Variants in PRKN observed in about 807,000 individuals in gnomAD.
PRKN encodes E3 ubiquitin-protein ligase parkin.
In PRKN, 56 loss-of-function variants were observed where a neutral mutation model predicts 59.5. The ratio of observed to expected loss-of-function variants is 0.94; its 90% CI spans 0.76 to 1.18. PRKN has a LOEUF of 1.18. Among genes scored for constraint, PRKN ranks in the 50% most tolerant of loss-of-function variants. The pLI, the probability that PRKN is intolerant of heterozygous loss-of-function variation, is 0.00. For synonymous variants in PRKN, 250 were observed against 222.1 expected (o/e 1.13, Z -1.12); for missense variants, 657 against 596.4 (o/e 1.10, Z -1.06).
chr6:162,106,450 C>A (rs563001632), intron 4 of PRKN, among the ~76,000 whole-genome samples: 3 of 149,084 alleles, frequency 2.0e-5, no homozygotes, highest in East Asian at 3.9e-4. Flanking sequence ...TGTATTACAT[C>A]CATAATTAAA....
intron 5 of PRKN, among the ~76,000 whole-genome samples, chr6:162,052,741 A>G (rs1370266332): frequency 6.6e-6 from 1 of 152,170 alleles, no homozygotes; most frequent in African/African-American, 2.4e-5. Context: ...AATGTTGTAT[A>G]TATGTATACC....
chr6:161,439,465 C>T (rs1789087860), intron 9 of PRKN, among the ~76,000 whole-genome samples: 1 of 152,168 alleles, frequency 6.6e-6, no homozygotes, highest in South Asian at 2.1e-4. Flanking sequence ...GGATAAATGG[C>T]AGTGTGCAAT....
At chr6:162,370,493 C>T (rs1321218869) in intron 2 of PRKN, among the ~76,000 whole-genome samples, 1 of 151,950 alleles carries the variant, frequency 6.6e-6, no homozygotes, top group East Asian at 1.9e-4. Flanking sequence ...CATTTTATTA[C>T]CAAACAAAAG....
intron 6 of PRKN, among the ~76,000 whole-genome samples, chr6:161,857,372 C>T (rs1173078610): frequency 1.3e-5 from 2 of 152,200 alleles, no homozygotes; most frequent in Non-Finnish European, 2.9e-5. Context: ...TACAACTTTA[C>T]TTACAAAACA....
chr6:162,541,739 T>C (rs555590964), intron 1 of PRKN, among the ~76,000 whole-genome samples: 7 of 152,282 alleles, frequency 4.6e-5, no homozygotes, highest in African/African-American at 7.2e-5. Context: ...AGCCATCATT[T>C]TGCAGCCGTT....
chr6:161,837,677 T>C lies in PRKN; in HGVS notation c.735-51769A>G, dbSNP rs552523336. ...TGTTTATATGTTCCAGGGTAATAGATAATGAATAATAAGGGACTGAGGGTG... is the reference window on the plus strand; with the variant it reads ...TGTTTATATGTTCCAGGGTAATAGACAATGAATAATAAGGGACTGAGGGTG... On this transcript the variant is annotated intron_variant, in intron 6 of 11. Coordinates refer to ENST00000366898, the MANE Select transcript of PRKN (RefSeq NM_004562.3). Among the ~76,000 whole-genome samples the C allele has an allele frequency of 1.0e-3, 153 of 151,868 alleles. 9 individuals carry two copies. The South Asian group carries it at 0.031, about 31-fold the overall frequency.
intron 4 of PRKN, among the ~76,000 whole-genome samples, chr6:162,085,338 C>T (rs961158890): frequency 1.1e-4 from 16 of 151,736 alleles, no homozygotes; most frequent in Admixed American, 5.3e-4. Context: ...GTATTATCAA[C>T]TTACTAATTT....
intron 1 of PRKN, among the ~76,000 whole-genome samples, chr6:162,494,363 C>T (rs1792961884): frequency 6.6e-6 from 1 of 152,050 alleles, no homozygotes; most frequent in Admixed American, 6.6e-5. Flanking sequence ...GGAACCCTGG[C>T]TTCTGCAAGA....
At chr6:162,001,498 C>T (rs952234174) in intron 5 of PRKN, among the ~76,000 whole-genome samples, 1 of 149,998 alleles carries the variant, frequency 6.7e-6, no homozygotes, top group East Asian at 2.0e-4. Flanking sequence ...CACATTAAAC[C>T]TGTATCCTGC....
intron 7 of PRKN, among the ~76,000 whole-genome samples, chr6:161,608,742 G>A (rs1782379777): frequency 6.6e-6 from 1 of 151,468 alleles, no homozygotes; most frequent in South Asian, 2.1e-4. Flanking sequence ...GTTTCACCAT[G>A]TGGGCCAGGC....
chr6:162,429,622 C>T (rs78896859), intron 2 of PRKN, among the ~76,000 whole-genome samples: 4,999 of 152,124 alleles, frequency 0.033, 275 homozygotes, highest in African/African-American at 0.11. Flanking sequence ...GCCACCTGCC[C>T]CATTTCGCCT....
rs1254558516 is a variant in PRKN, at chr6:161,578,041, T to C, written c.872-8625A>G. On this transcript the variant is annotated intron_variant, in intron 7 of 11. Coordinates refer to ENST00000366898, the MANE Select transcript of PRKN (RefSeq NM_004562.3). The surrounding 1 kb of genome is among the most constrained non-coding windows in gnomAD (Gnocchi z 4.2). ...TCATAAATGAATCAGACAGGGATTC[T>C]GCCTTCCTGGAGCTTGCAGAAGAAA... Among the ~76,000 whole-genome samples, 3 of 152,192 alleles carry C rather than the reference T, an allele frequency of 2.0e-5. No homozygotes were observed. Among genetic ancestry groups the C allele is most frequent in the Non-Finnish European group, 4.4e-5 (3 of 68,040 alleles).
chr6:162,229,008 A>G (rs918431608), intron 3 of PRKN, among the ~76,000 whole-genome samples: 8 of 152,138 alleles, frequency 5.3e-5, no homozygotes, highest in African/African-American at 1.9e-4. Context: ...AATCTATGGG[A>G]CCACTTCTGT....
At chr6:161,509,124 G>A (rs367586218) in intron 9 of PRKN, among the ~76,000 whole-genome samples, 11 of 152,108 alleles carry the variant, frequency 7.2e-5, no homozygotes, top group Admixed American at 2.6e-4. Context: ...GATTACAGGC[G>A]TGAGCCACCA....
intron 7 of PRKN, among the ~76,000 whole-genome samples, chr6:161,726,036 G>T (rs978630587): frequency 2.0e-5 from 3 of 152,200 alleles, no homozygotes; most frequent in Non-Finnish European, 4.4e-5. Flanking sequence ...AGCTGGAAAT[G>T]AGGGCACTGA....
At chr6:162,669,368 C>A (rs1312937011) in intron 1 of PRKN, among the ~76,000 whole-genome samples, 1 of 152,124 alleles carries the variant, frequency 6.6e-6, no homozygotes, top group Non-Finnish European at 1.5e-5. Flanking sequence ...CGATTGCCCC[C>A]ATTAAAAACC....
intron 7 of PRKN, among the ~76,000 whole-genome samples, chr6:161,627,163 A>G (rs941521136): frequency 2.6e-5 from 4 of 152,194 alleles, no homozygotes; most frequent in Non-Finnish European, 5.9e-5. Context: ...AGCATCGGAG[A>G]AAAGCCTAGG....
Position 162,402,318 on chromosome 6 carries a change from A to G in PRKN, c.171+40992T>C, listed in dbSNP as rs544974362. Among the ~76,000 whole-genome samples, 14 of 152,170 alleles carry G rather than the reference A, an allele frequency of 9.2e-5. No homozygotes were observed. In the South Asian group the frequency reaches 2.9e-3, roughly 32 times the overall value. ...AGCAGTATTATTCCAGCGTTTGCCA[A>G]CCATGCTCAGGCATGGAGAGTTAAG... is the stretch of plus-strand genomic sequence containing the variant. On this transcript the variant is annotated intron_variant, in intron 2 of 11. Coordinates refer to ENST00000366898, the MANE Select transcript of PRKN (RefSeq NM_004562.3).
intron 2 of PRKN, among the ~76,000 whole-genome samples, chr6:162,287,775 A>G (rs1316607296): frequency 6.6e-6 from 1 of 152,208 alleles, no homozygotes; most frequent in African/African-American, 2.4e-5. Context: ...AAATTTGTGA[A>G]GGGATGGAAT....
Sources: gnomAD v4.1 joint callset for allele counts (sites outside exome capture counted in the v4.1 genomes callset) on GRCh38, gnomAD v4.1.1 for gene constraint, Gnocchi (gnomAD v3.1) non-coding constraint, MANE v1.5 for transcripts, NCBI Gene and HGNC (gene_info 2026-07-23, HGNC 2026-07-21) for gene names.